ANTKMT: variants seen among roughly 807,000 people sequenced by gnomAD.
The protein encoded by ANTKMT is adenine nucleotide translocase lysine methyltransferase.
A neutral mutation model predicts 20.7 loss-of-function variants in ANTKMT; 24 were observed. That is an observed-to-expected ratio of 1.16 (90% CI 0.84 to 1.63). The LOEUF (loss-of-function observed/expected upper bound fraction) is 1.63, where lower values mean the gene tolerates loss of function less well. ANTKMT is among the 40% of genes most tolerant of loss of function. The pLI, the probability that ANTKMT is intolerant of heterozygous loss-of-function variation, is 0.00. For missense variants in ANTKMT, 428 were observed against 334.8 expected, an observed-to-expected ratio of 1.28 and a Z score of -2.17; for synonymous variants, 193 against 161.2, an observed-to-expected ratio of 1.20 and a Z score of -1.49.
At position 722,506 on chromosome 16, in the gene ANTKMT, C is replaced by T. The variant is rs1243178122; in HGVS notation, c.657C>T (p.Pro219=). The T allele has an allele frequency of 1.1e-5, 18 of 1,612,026 alleles. No individual in the cohort carries two copies. In the East Asian group the frequency reaches 3.1e-4, roughly 28 times the overall value. The change falls in exon 5 of 5, where the codon CCC becomes CCT. Residue 219 remains proline (P), a synonymous_variant. Transcript: ENST00000569529. ...ASSRIPIQAA[P]GPSSAPIPGG... is the part of the protein sequence containing the mutation. ...CGCGGATACCCATCCAGGCTGCCCC[C>T]GGACCTAGTTCTGCCCCCATCCCGG...
chr16:721,996 G>GC, intron 3 of ANTKMT, 55 bp downstream of exon 3: 1 of 1,551,888 alleles, frequency 6.4e-7, no homozygotes, highest in Non-Finnish European at 8.7e-7. Context: ...GCTGACACCT[G>GC]CGAGGGCTGG....
chr16:722,201 G>A (rs1567307771), intron 4 of ANTKMT, 67 bp downstream of exon 4: 2 of 1,589,004 alleles, frequency 1.3e-6, no homozygotes, highest in Non-Finnish European at 1.7e-6. Context: ...GCTGCTCTGA[G>A]GCCTGGGCCT....
In ANTKMT at chr16:721,254, C is replaced by T. The variant is rs1473487441; in HGVS notation, c.-21C>T. ...CGAGCCGGGAAGGACCTTGGGCGGACGAGCCGCGCGTCCCGCAGCCATGGA... is the reference window on the plus strand; with the variant it reads ...CGAGCCGGGAAGGACCTTGGGCGGATGAGCCGCGCGTCCCGCAGCCATGGA... On this transcript the variant is annotated 5_prime_UTR_variant, in exon 1 of 5. The change creates a new upstream start codon in the 5' untranslated region. Transcript: ENST00000569529. 7.9e-7 allele frequency: 1 copy of T among 1,262,542 alleles called. No individual in the cohort carries two copies. The highest frequency in any genetic ancestry group is 1.0e-6 in the Non-Finnish European group (1 of 1,003,600). 78.2% of individuals were successfully genotyped at this position (1,262,542 alleles called of 1,614,324 possible). A position where few individuals can be genotyped will look rare whatever the true frequency, so the allele number is the denominator to read the frequency against.
rs1256129752 is a variant in ANTKMT, at chr16:722,568, C to T, written c.*11C>T. 8.9e-6 allele frequency: 14 copies of T among 1,574,980 alleles called. No homozygotes were observed. The highest frequency in any genetic ancestry group is 2.3e-5 in the East Asian group (1 of 43,758). On this transcript the variant is annotated 3_prime_UTR_variant, in exon 5 of 5. Coordinates refer to ENST00000569529, the MANE Select transcript of ANTKMT (RefSeq NM_023933.3). Reference sequence around the variant, plus strand: ...TCTCAGGCCAGCTGAGTATTAGACACGATAAAGACTCTGTGGGTTCTATCC... The same window carrying T: ...TCTCAGGCCAGCTGAGTATTAGACATGATAAAGACTCTGTGGGTTCTATCC...
rs2040217204 is a variant in ANTKMT at position 721,204 on chromosome 16, G to C, written c.-71G>C. 2 of 1,206,064 alleles carry C rather than the reference G, an allele frequency of 1.7e-6. No homozygotes were observed. Among genetic ancestry groups the C allele is most frequent in the Non-Finnish European group, 2.1e-6 (2 of 970,008 alleles). The allele number at this position is 1,206,064 out of a possible 1,614,324, so 74.7% of individuals were successfully genotyped here. A position where few individuals can be genotyped will look rare whatever the true frequency, so the allele number is the denominator to read the frequency against. On this transcript the variant is annotated 5_prime_UTR_variant, in exon 1 of 5. Transcript: ENST00000569529. Reference sequence around the variant, plus strand: ...GGCAGAGGGCACACCGCCAGCCCCAGGCCAGGCTGCGAGGGCCGCGGACCC... The same window carrying C: ...GGCAGAGGGCACACCGCCAGCCCCACGCCAGGCTGCGAGGGCCGCGGACCC...
chr16:721,259 C>T lies in ANTKMT; in HGVS notation c.-16C>T. On this transcript the variant is annotated 5_prime_UTR_variant, in exon 1 of 5. Coordinates refer to ENST00000569529, the MANE Select transcript of ANTKMT (RefSeq NM_023933.3). ...CGGGAAGGACCTTGGGCGGACGAGC[C>T]GCGCGTCCCGCAGCCATGGAGCAGG... 1 of 1,266,570 alleles carries T rather than the reference C, an allele frequency of 7.9e-7. No individual in the cohort carries two copies. Among genetic ancestry groups the T allele is most frequent in the Non-Finnish European group, 9.9e-7 (1 of 1,005,704 alleles). The allele number at this position is 1,266,570 out of a possible 1,614,324, so 78.5% of individuals were successfully genotyped here.
Position 722,481 on chromosome 16 carries a change from C to A in ANTKMT, c.632C>A (p.Ser211Ter). 3 of 1,612,352 alleles carry A rather than the reference C, an allele frequency of 1.9e-6. No homozygotes were observed. Among genetic ancestry groups the A allele is most frequent in the Non-Finnish European group, 2.5e-6 (3 of 1,179,832 alleles). The change falls in exon 5 of 5, where the codon TCG becomes TAG. Residue 211 changes from serine (S) to a stop codon, truncating the protein, a stop_gained. Coordinates refer to ENST00000569529, the MANE Select transcript of ANTKMT (RefSeq NM_023933.3). LOFTEE classifies it low-confidence loss of function (END_TRUNC). The part of the protein sequence containing the change: ...EGGQAGEAAS[S>*]RIPIQAAPGP... ...GGGCAGGCTGGGGAGGCCGCCTCCT[C>A]GCGGATACCCATCCAGGCTGCCCCC...
At position 721,334 on chromosome 16, in the gene ANTKMT, G is replaced by A; in HGVS notation, c.60G>A (p.Ala20=). 1 of 1,348,726 alleles carries A rather than the reference G, an allele frequency of 7.4e-7. No homozygotes were observed. Among genetic ancestry groups the A allele is most frequent in the Non-Finnish European group, 9.5e-7 (1 of 1,049,524 alleles). The allele number at this position is 1,348,726 out of a possible 1,614,324, so 83.5% of individuals were successfully genotyped here. A position where few individuals can be genotyped will look rare whatever the true frequency, so the allele number is the denominator to read the frequency against. ...LTELRERRLG[A]LELLQAAAGS... is the part of the protein sequence containing the mutation. ...AGCTGCGCGAGCGGCGGCTGGGCGC[G>A]CTGGAGCTGCTGCAGGCGGCGGCCG... The change falls in exon 1 of 5, where the codon GCG becomes GCA. Residue 20 remains alanine (A), a synonymous_variant. Transcript: ENST00000569529.
chr16:721,162 G>C lies in ANTKMT; in HGVS notation c.-113G>C, dbSNP rs2040216020. 2.8e-6 allele frequency: 3 copies of C among 1,082,288 alleles called. No individual in the cohort carries two copies. In the South Asian group the frequency reaches 1.4e-4, roughly 51 times the overall value. The allele number at this position is 1,082,288 out of a possible 1,614,324, so 67.0% of individuals were successfully genotyped here. On this transcript the variant is annotated 5_prime_UTR_variant, in exon 1 of 5. Transcript: ENST00000569529. The stretch of plus-strand genomic sequence containing the variant: ...CTGCCGGCCACTTCCGGTGTCGCGC[G>C]GCGGCTCCCGGCAGGAGGCAGAGGG...
At position 722,517 on chromosome 16, in the gene ANTKMT, C is replaced by T; in HGVS notation, c.668C>T (p.Ser223Phe). 1.9e-6 allele frequency: 3 copies of T among 1,611,568 alleles called. No homozygotes were observed. The highest frequency in any genetic ancestry group is 2.5e-6 in the Non-Finnish European group (3 of 1,179,490). Residue 223 changes from serine (S) to phenylalanine (F), a missense_variant, in exon 5 of 5, where the codon TCT (serine) becomes TTT (phenylalanine). Ser to Phe is a radical substitution (Grantham distance 155, BLOSUM62 -2). Coordinates refer to ENST00000569529, the MANE Select transcript of ANTKMT (RefSeq NM_023933.3). ...IPIQAAPGPS[S>F]APIPGGLISQ... ...ATCCAGGCTGCCCCCGGACCTAGTT[C>T]TGCCCCCATCCCGGGGGGCCTTATT...
In ANTKMT at chr16:722,575, G is replaced by C. The variant is rs1264481180; in HGVS notation, c.*18G>C. Reference sequence around the variant, plus strand: ...CCAGCTGAGTATTAGACACGATAAAGACTCTGTGGGTTCTATCCTGACTCA... The same window carrying C: ...CCAGCTGAGTATTAGACACGATAAACACTCTGTGGGTTCTATCCTGACTCA... On this transcript the variant is annotated 3_prime_UTR_variant, in exon 5 of 5. Coordinates refer to ENST00000569529, the MANE Select transcript of ANTKMT (RefSeq NM_023933.3). 7.4e-7 allele frequency: 1 copy of C among 1,355,032 alleles called. No individual in the cohort carries two copies. The highest frequency in any genetic ancestry group is 1.9e-5 in the Admixed American group (1 of 51,968). 83.9% of individuals were successfully genotyped at this position (1,355,032 alleles called of 1,614,324 possible).
Position 722,298 on chromosome 16 carries a change from C to G in ANTKMT, c.460-11C>G. On this transcript the variant is annotated splice_polypyrimidine_tract_variant and intron_variant, in intron 4 of 4. Transcript: ENST00000569529. ...CCCCCGCCCCCTCTACTCTGCTGTT[C>G]TCTCCCTCAGCTCCCGCTGCTGGAG... 1.2e-6 allele frequency: 2 copies of G among 1,606,332 alleles called. No individual in the cohort carries two copies. The highest frequency in any genetic ancestry group is 2.2e-5 in the East Asian group (1 of 44,618).
At position 721,428 on chromosome 16, in the gene ANTKMT, C is replaced by T; in HGVS notation, c.154C>T (p.Arg52Trp). ...LQPGFRRVPL[R>W]LQVPYVGASA... ...GCCCGGCTTCCGGCGCGTGCCGCTG[C>T]GGCTGCAGGTGCGGGGCGGGGCCAG... The change falls in exon 1 of 5, where the codon CGG becomes TGG. Residue 52 changes from arginine to tryptophan, a missense_variant. Physicochemically the swap from Arg to Trp is moderately radical, Grantham distance 101 (BLOSUM62 -3). Transcript: ENST00000569529. 3.1e-6 allele frequency: 4 copies of T among 1,298,678 alleles called. No homozygotes were observed. The highest frequency in any genetic ancestry group is 2.9e-6 in the Non-Finnish European group (3 of 1,029,922). 80.4% of individuals were successfully genotyped at this position (1,298,678 alleles called of 1,614,324 possible).
At position 721,914 on chromosome 16, in the gene ANTKMT, C is replaced by A; in HGVS notation, c.381C>A (p.Val127=). 1 of 1,572,238 alleles carries A rather than the reference C, an allele frequency of 6.4e-7. No individual in the cohort carries two copies. The highest frequency in any genetic ancestry group is 2.3e-5 in the East Asian group (1 of 43,900). ...GGAGGGCCGGCTGTGCCGGCAGCGT[C>A]TGCTATCGCCGCAAGGATCTCTGGA... The part of the protein sequence containing the change: ...HAWRAGCAGS[V]CYRRKDLWKV... The change falls in exon 3 of 5, where the codon GTC becomes GTA. Residue 127 remains valine (V), a synonymous_variant. Coordinates refer to ENST00000569529, the MANE Select transcript of ANTKMT (RefSeq NM_023933.3).
chr16:722,347 T>C lies in ANTKMT; in HGVS notation c.498T>C (p.Pro166=), dbSNP rs777334805. 1 of 1,608,638 alleles carries C rather than the reference T, an allele frequency of 6.2e-7. No individual in the cohort carries two copies. The highest frequency in any genetic ancestry group is 2.2e-5 in the East Asian group (1 of 44,726). Residue 166 remains proline, a synonymous_variant, in exon 5 of 5, where the codon CCT becomes CCC. Coordinates refer to ENST00000569529, the MANE Select transcript of ANTKMT (RefSeq NM_023933.3). ...AGGACAAGCTGCGGACAGAGCTGCCTGCTGGGGCCCGCGTGGTGTCTGGGC... is the reference window on the plus strand; with the variant it reads ...AGGACAAGCTGCGGACAGAGCTGCCCGCTGGGGCCCGCGTGGTGTCTGGGC... ...LLEDKLRTEL[P]AGARVVSGRF...
At position 721,636 on chromosome 16, in the gene ANTKMT, C is replaced by G. The variant is rs2040232074; in HGVS notation, c.201C>G (p.His67Gln). ...YVGASARQVE[H>Q]VLSLLRGRPG... ...GCGCGAGCGCGCGGCAGGTGGAGCA[C>G]GTGTTGTCGCTGCTGCGAGGACGCC... The change falls in exon 2 of 5, where the codon CAC (histidine) becomes CAG (glutamine). Residue 67 changes from histidine (H) to glutamine (Q), a missense_variant. His to Gln is a conservative substitution (Grantham distance 24, BLOSUM62 0). Transcript: ENST00000569529. 1.3e-6 allele frequency: 2 copies of G among 1,548,056 alleles called. No homozygotes were observed. The highest frequency in any genetic ancestry group is 1.7e-6 in the Non-Finnish European group (2 of 1,147,056).
chr16:721,555 G>C, intron 1 of ANTKMT, 43 bp from the exon 2 acceptor site: 1 of 1,497,810 alleles, frequency 6.7e-7, no homozygotes, highest in Non-Finnish European at 8.9e-7. Flanking sequence ...GGCTGCGGGC[G>C]GGGCGGGAGC....
At chr16:721,558 G>A (rs1567306589) in intron 1 of ANTKMT, 40 bp from the exon 2 acceptor site, 4 of 1,514,530 alleles carry the variant, frequency 2.6e-6, no homozygotes, top group Admixed American at 4.2e-5. Context: ...TGCGGGCGGG[G>A]CGGGAGCGGC....
intron 4 of ANTKMT, 78 bp downstream of exon 4, chr16:722,212 G>A: frequency 1.3e-6 from 2 of 1,587,368 alleles, no homozygotes; most frequent in East Asian, 2.3e-5. Context: ...GCCTGGGCCT[G>A]CCTGGTGGGT....
Sources: allele counts gnomAD v4.1 joint callset, GRCh38; gene constraint gnomAD v4.1.1; transcripts MANE v1.5; gene names NCBI Gene and HGNC (gene_info 2026-07-23, HGNC 2026-07-21).